The following CTNNA3 variants were observed in gnomAD, a reference collection of about 807,000 sequenced individuals.
CTNNA3 encodes catenin alpha 3, also known as catenin alpha-3.
CTNNA3 carries 76 observed loss-of-function variants against 95.7 expected under a neutral mutation model. The observed-to-expected ratio is 0.79, with a 90% confidence interval of 0.66 to 0.96. The LOEUF is 0.96. CTNNA3 is among the 40% of genes least tolerant of loss of function. The pLI is 0.00. For missense variants in CTNNA3, 1,191 were observed against 1,089.8 expected (o/e 1.09, Z -1.31); for synonymous variants, 431 against 374.4 (o/e 1.15, Z -1.74).
intron 7 of CTNNA3, among the ~76,000 whole-genome samples, chr10:67,113,888 A>G (rs1411968950): frequency 6.6e-6 from 1 of 152,102 alleles, no homozygotes; most frequent in Non-Finnish European, 1.5e-5. Context: ...TTCCAGCCTG[A>G]GCAACATAGT....
chr10:66,434,236 G>A (rs536101362), intron 11 of CTNNA3, among the ~76,000 whole-genome samples: 15 of 152,244 alleles, frequency 9.9e-5, no homozygotes, highest in African/African-American at 3.4e-4. Context: ...ACCCTGGGCA[G>A]TATGGCCATT....
At chr10:66,975,087 A>T (rs1418857630) in intron 7 of CTNNA3, among the ~76,000 whole-genome samples, 1 of 152,148 alleles carries the variant, frequency 6.6e-6, no homozygotes, top group Non-Finnish European at 1.5e-5. Flanking sequence ...GTAGCTGACC[A>T]AAAGGGTCAT....
chr10:66,084,283 A>T (rs2080894028), intron 14 of CTNNA3, among the ~76,000 whole-genome samples: 1 of 152,158 alleles, frequency 6.6e-6, no homozygotes, highest in Non-Finnish European at 1.5e-5. Context: ...ACAGAAAAGT[A>T]CTTAAAGCAC....
At chr10:67,664,189 G>A (rs1427054458) in intron 1 of CTNNA3, among the ~76,000 whole-genome samples, 1 of 152,028 alleles carries the variant, frequency 6.6e-6, no homozygotes, top group Non-Finnish European at 1.5e-5. Flanking sequence ...ACATTGTCTT[G>A]ATCATGTCTG....
At chr10:66,746,450 C>CT (rs1838877471) in intron 9 of CTNNA3, among the ~76,000 whole-genome samples, 1 of 152,140 alleles carries the variant, frequency 6.6e-6, no homozygotes, top group Non-Finnish European at 1.5e-5. Flanking sequence ...GAGATAAAGC[C>CT]TGTAACATAG....
chr10:67,049,755 A>G (rs1854968175), intron 7 of CTNNA3, among the ~76,000 whole-genome samples: 1 of 152,216 alleles, frequency 6.6e-6, no homozygotes, highest in Non-Finnish European at 1.5e-5. Context: ...AAAAATTACT[A>G]CTGCACAGAT....
At chr10:67,109,695 T>C (rs7070613) in intron 7 of CTNNA3, among the ~76,000 whole-genome samples, 2,135 of 151,992 alleles carry the variant, frequency 0.014, 54 homozygotes, top group African/African-American at 0.049. Context: ...ATACAAAAAT[T>C]GGCTGGGCGC....
intron 9 of CTNNA3, among the ~76,000 whole-genome samples, chr10:66,696,197 A>T (rs1847756529): frequency 6.6e-6 from 1 of 152,196 alleles, no homozygotes; most frequent in African/African-American, 2.4e-5. Flanking sequence ...TTCATCTTTA[A>T]GTGCAAAGAG....
intron 15 of CTNNA3, among the ~76,000 whole-genome samples, chr10:65,996,347 A>T (rs1024838276): frequency 6.6e-6 from 1 of 152,112 alleles, no homozygotes; most frequent in African/African-American, 2.4e-5. Flanking sequence ...TACACCACCC[A>T]TAACCTGGGG....
chr10:67,293,763 G>A (rs1055895573), intron 5 of CTNNA3, among the ~76,000 whole-genome samples: 14 of 148,860 alleles, frequency 9.4e-5, no homozygotes, highest in African/African-American at 3.0e-4. Context: ...GAGAGCATGC[G>A]GTGTTTGGTT....
intron 5 of CTNNA3, among the ~76,000 whole-genome samples, chr10:67,403,015 C>T (rs1844982723): frequency 6.6e-6 from 1 of 152,210 alleles, no homozygotes; most frequent in Non-Finnish European, 1.5e-5. Context: ...CCACCAGCAA[C>T]AGGGTAGTGC....
chr10:66,690,491 A>G, intron 9 of CTNNA3, among the ~76,000 whole-genome samples: 1 of 149,564 alleles, frequency 6.7e-6, no homozygotes, highest in African/African-American at 2.5e-5. Flanking sequence ...CCACCCCACA[A>G]CAGTCCCCAG....
At chr10:66,205,602 T>C (rs1266687007) in intron 13 of CTNNA3, among the ~76,000 whole-genome samples, 1 of 151,960 alleles carries the variant, frequency 6.6e-6, no homozygotes, top group Non-Finnish European at 1.5e-5. Flanking sequence ...AAAAAACCCA[T>C]ACACAAAATG....
At chr10:67,253,076 T>G (rs1477576684) in intron 5 of CTNNA3, among the ~76,000 whole-genome samples, 4 of 152,198 alleles carry the variant, frequency 2.6e-5, no homozygotes, top group Non-Finnish European at 4.4e-5. Flanking sequence ...TTATGGGTTC[T>G]CTTTGGCATA....
intron 9 of CTNNA3, among the ~76,000 whole-genome samples, chr10:66,641,125 G>A (rs947585412): frequency 5.3e-5 from 8 of 152,258 alleles, no homozygotes; most frequent in Non-Finnish European, 1.2e-4. Flanking sequence ...TCATATAAGT[G>A]TTAAGTTATG....
At chr10:66,278,212 A>G (rs1326703655) in intron 13 of CTNNA3, among the ~76,000 whole-genome samples, 3 of 149,388 alleles carry the variant, frequency 2.0e-5, no homozygotes, top group South Asian at 2.2e-4. Context: ...AAAGGAAGTC[A>G]ACCTCTATCC....
chr10:67,408,304 C>T (rs933194691), intron 5 of CTNNA3, among the ~76,000 whole-genome samples: 16 of 152,092 alleles, frequency 1.1e-4, no homozygotes, highest in African/African-American at 3.4e-4. Flanking sequence ...AAGAACAAAG[C>T]TAGAGGTACC....
chr10:67,009,457 C>T (rs1358877984), intron 7 of CTNNA3, among the ~76,000 whole-genome samples: 1 of 152,040 alleles, frequency 6.6e-6, no homozygotes, highest in African/African-American at 2.4e-5. Flanking sequence ...TCCTGATATA[C>T]ATAACCTCTT....
intron 3 of CTNNA3, among the ~76,000 whole-genome samples, chr10:67,555,841 A>T (rs998766362): frequency 6.6e-6 from 1 of 152,182 alleles, no homozygotes; most frequent in Non-Finnish European, 1.5e-5. Context: ...CCAGTTTTCA[A>T]AGGGAATGCT....
Sources: allele counts gnomAD v4.1 joint callset (sites outside exome capture counted in the v4.1 genomes callset), GRCh38; gene constraint gnomAD v4.1.1; transcripts MANE v1.5; gene names NCBI Gene and HGNC (gene_info 2026-07-23, HGNC 2026-07-21).